MTUS2: variants seen among roughly 807,000 people sequenced by gnomAD.
MTUS2 encodes microtubule associated scaffold protein 2, also known as microtubule-associated tumor suppressor candidate 2.
In MTUS2, 40 loss-of-function variants were observed where a neutral mutation model predicts 114.1. The observed-to-expected ratio is 0.35, with a 90% CI of 0.27 to 0.46. MTUS2 has a LOEUF of 0.46. MTUS2 is among the 20% of genes least tolerant of loss of function. MTUS2 has a pLI of 1.00. For missense variants in MTUS2, 1,679 were observed against 1,705.4 expected (o/e 0.98, Z 0.27); for synonymous variants, 688 against 672.0 (o/e 1.02, Z -0.37).
rs537260711 is a variant in MTUS2, at chr13:29,359,236, C to G, written c.2906-26C>G. 35 of 1,562,382 alleles carry G rather than the reference C, an allele frequency of 2.2e-5. 1 individual carries two copies. The South Asian group carries it at 3.9e-4, about 17-fold the overall frequency. Reference sequence around the variant, plus strand: ...GTACTGAGTGTTTTTTCACAGGTGACCGGGGTTTGGTTTTCTTTCTCACAG... The same window carrying G: ...GTACTGAGTGTTTTTTCACAGGTGAGCGGGGTTTGGTTTTCTTTCTCACAG... On this transcript the variant is annotated intron_variant, in intron 7 of 15. Transcript: ENST00000612955.
intron 2 of MTUS2, among the ~76,000 whole-genome samples, chr13:28,877,290 C>A (rs1219097191): frequency 4.0e-5 from 6 of 150,336 alleles, no homozygotes; most frequent in African/African-American, 1.5e-4. Context: ...TGCACTCCAG[C>A]CTGGGCGACA....
intron 6 of MTUS2, among the ~76,000 whole-genome samples, chr13:29,310,357 A>G (rs1430639079): frequency 6.6e-6 from 1 of 151,874 alleles, no homozygotes; most frequent in Non-Finnish European, 1.5e-5. Context: ...ACCTAATTCC[A>G]CCTCCAACTT....
intron 2 of MTUS2, among the ~76,000 whole-genome samples, chr13:28,860,794 A>G (rs894766708): frequency 2.6e-5 from 4 of 152,176 alleles, no homozygotes; most frequent in South Asian, 2.1e-4. Context: ...AGTTTTTGCA[A>G]ACACTTGGGG....
intron 13 of MTUS2, 60 bp downstream of exon 13, chr13:29,497,396 G>A: frequency 6.9e-7 from 1 of 1,446,352 alleles, no homozygotes; most frequent in Non-Finnish European, 9.5e-7. Flanking sequence ...AAGGCCGAGG[G>A]ACTCCCTCAG....
chr13:28,889,217 A>G lies in MTUS2; in HGVS notation c.-243+49367A>G, dbSNP rs999786779. On this transcript the variant is annotated intron_variant, in intron 2 of 15. Coordinates refer to ENST00000612955, the MANE Select transcript of MTUS2 (RefSeq NM_001033602.4). ...TGGTTCTGTGTGGCAGGCTTCAGAA[A>G]AAAAAGAAAGGATCTCATGTTGGTT... Among the ~76,000 whole-genome samples, 14 of 152,324 alleles carry G rather than the reference A, an allele frequency of 9.2e-5. No homozygotes were observed. In the East Asian group the frequency reaches 2.7e-3, roughly 29 times the overall value.
At chr13:29,426,815 C>A (rs114969349) in intron 8 of MTUS2, among the ~76,000 whole-genome samples, 163 of 152,352 alleles carry the variant, frequency 1.1e-3, no homozygotes, top group African/African-American at 3.2e-3. Flanking sequence ...CATGCATACA[C>A]CACATTTTGT....
intron 2 of MTUS2, among the ~76,000 whole-genome samples, chr13:28,953,586 A>G (rs1390229241): frequency 6.6e-6 from 1 of 152,130 alleles, no homozygotes; most frequent in Non-Finnish European, 1.5e-5. Flanking sequence ...TTGTCTTTCA[A>G]CTTTGCTTGT....
intron 2 of MTUS2, among the ~76,000 whole-genome samples, chr13:29,008,411 G>A (rs555673449): frequency 3.3e-5 from 5 of 152,166 alleles, no homozygotes; most frequent in Admixed American, 2.0e-4. Flanking sequence ...ACCGCCTTCT[G>A]TCTTTCTGTT....
chr13:29,208,469 A>G (rs1009994161), intron 5 of MTUS2, among the ~76,000 whole-genome samples: 5 of 149,980 alleles, frequency 3.3e-5, no homozygotes, highest in African/African-American at 1.2e-4. Context: ...CTTCTGCTGC[A>G]TTTGTGTTTG....
chr13:28,872,050 A>G (rs937830528), intron 2 of MTUS2, among the ~76,000 whole-genome samples: 2 of 152,198 alleles, frequency 1.3e-5, no homozygotes, highest in Non-Finnish European at 2.9e-5. Flanking sequence ...GGAGCTTTGT[A>G]GGAAGAGAGG....
intron 2 of MTUS2, among the ~76,000 whole-genome samples, chr13:29,003,961 T>C (rs3899581): frequency 0.018 from 2,694 of 152,264 alleles, 83 homozygotes; most frequent in African/African-American, 0.061. Context: ...TAAGAGCACC[T>C]ATTTAGCCAA....
chr13:29,313,083 A>G (rs1252221243), intron 6 of MTUS2, among the ~76,000 whole-genome samples: 3 of 152,178 alleles, frequency 2.0e-5, no homozygotes, highest in African/African-American at 7.2e-5. Context: ...GAATATGGAC[A>G]GGTGAGAAGG....
At chr13:29,370,818 G>C (rs1871129546) in intron 8 of MTUS2, among the ~76,000 whole-genome samples, 1 of 152,196 alleles carries the variant, frequency 6.6e-6, no homozygotes, top group South Asian at 2.1e-4. Context: ...GCTCAAATTA[G>C]AAGTAAAGGG....
chr13:29,031,063 T>A (rs1886791009), intron 3 of MTUS2, among the ~76,000 whole-genome samples: 2 of 151,946 alleles, frequency 1.3e-5, no homozygotes, highest in South Asian at 4.1e-4. Context: ...CCTTTTTATT[T>A]TTGGTAAAGG....
rs1883036795 is a variant in MTUS2 at position 29,503,321 on chromosome 13, A to G, written c.*115A>G. On this transcript the variant is annotated 3_prime_UTR_variant, in exon 16 of 16. Transcript: ENST00000612955. The stretch of plus-strand genomic sequence containing the variant: ...CTGTGCGCATGCTCAGTAGCTGCGA[A>G]TGCATCCTAGGCGCGTCCTCCTCTG... 3.4e-6 allele frequency: 4 copies of G among 1,189,222 alleles called. No homozygotes were observed. Among genetic ancestry groups the G allele is most frequent in the African/African-American group, 1.5e-5 (1 of 66,084 alleles). 73.7% of individuals were successfully genotyped at this position (1,189,222 alleles called of 1,614,324 possible).
At chr13:29,223,466 A>G (rs1248296986) in intron 5 of MTUS2, among the ~76,000 whole-genome samples, 2 of 152,150 alleles carry the variant, frequency 1.3e-5, no homozygotes, top group African/African-American at 4.8e-5. Flanking sequence ...GCCCGTGGAC[A>G]TGAGCTACTC....
intron 5 of MTUS2, among the ~76,000 whole-genome samples, chr13:29,220,914 A>G (rs1252961081): frequency 6.6e-6 from 1 of 152,242 alleles, no homozygotes; most frequent in Non-Finnish European, 1.5e-5. Context: ...AGAATGAGGC[A>G]TGCCTGTGTA....
chr13:29,150,624 C>A (rs74976139), intron 5 of MTUS2, among the ~76,000 whole-genome samples: 114 of 152,250 alleles, frequency 7.5e-4, no homozygotes, highest in African/African-American at 2.7e-3. Context: ...AAGCTGGTGT[C>A]CAGAAGGGTA....
chr13:29,333,360 G>C (rs1033364243), intron 7 of MTUS2, among the ~76,000 whole-genome samples: 1 of 152,012 alleles, frequency 6.6e-6, no homozygotes, highest in Non-Finnish European at 1.5e-5. Context: ...ACCATGCCCG[G>C]TTAATTTTGT....
Sources: gnomAD v4.1 joint callset for allele counts (sites outside exome capture counted in the v4.1 genomes callset) on GRCh38, gnomAD v4.1.1 for gene constraint, MANE v1.5 for transcripts, NCBI Gene and HGNC (gene_info 2026-07-23, HGNC 2026-07-21) for gene names.